Variants in MOCOS observed in about 807,000 individuals in gnomAD.
The protein encoded by MOCOS is molybdenum cofactor sulfurase, also known as human molybdenum cofactor sulfurase.
Under a neutral mutation model 83.6 loss-of-function variants are expected in MOCOS, and 86 were observed. The ratio of observed to expected loss-of-function variants is 1.03; its 90% CI spans 0.86 to 1.23. MOCOS has a LOEUF of 1.23. MOCOS is among the 50% of genes most tolerant of loss of function. The pLI, the probability that MOCOS is intolerant of heterozygous loss-of-function variation, is 0.00. For synonymous variants in MOCOS, 445 were observed against 434.7 expected, an observed-to-expected ratio of 1.02 and a Z score of -0.29; for missense variants, 1,120 against 1,126.9, an observed-to-expected ratio of 0.99 and a Z score of 0.09.
At chr18:36,223,828 TTTCTTTTG>T in intron 9 of MOCOS, among the ~76,000 whole-genome samples, 1 of 152,190 alleles carries the variant, frequency 6.6e-6, no homozygotes, top group Non-Finnish European at 1.5e-5. Context: ...CTTAGATAAG[TTTCTTTTG>T]TTCTTTTAAA....
chr18:36,216,014 T>C (rs1185151257), intron 8 of MOCOS, 37 bp downstream of exon 8: 3 of 1,556,980 alleles, frequency 1.9e-6, no homozygotes, highest in Non-Finnish European at 2.6e-6. Context: ...AGTCTTCTCT[T>C]TGTTTACTCT....
intron 9 of MOCOS, among the ~76,000 whole-genome samples, chr18:36,233,254 TATAAG>T (rs2091545338): frequency 6.6e-6 from 1 of 152,214 alleles, no homozygotes; most frequent in Non-Finnish European, 1.5e-5. Flanking sequence ...AGTTTCCACT[TATAAG>T]AGAGAACATA....
chr18:36,198,903 T>C, intron 3 of MOCOS, 147 bp downstream of exon 3: 2 of 829,736 alleles, frequency 2.4e-6, no homozygotes, highest in Non-Finnish European at 4.0e-6. Context: ...TTGAGAAACA[T>C]CAGAGTCAGA....
intron 6 of MOCOS, among the ~76,000 whole-genome samples, chr18:36,207,578 T>C (rs778272703): frequency 6.6e-6 from 1 of 152,218 alleles, no homozygotes; most frequent in African/African-American, 2.4e-5. Flanking sequence ...CATATGCTAT[T>C]GGCTGCATGT....
At chr18:36,235,394 T>C (rs1001456507) in intron 9 of MOCOS, among the ~76,000 whole-genome samples, 4 of 133,098 alleles carry the variant, frequency 3.0e-5, no homozygotes, top group Non-Finnish European at 4.8e-5. Context: ...TGGTTTTTTG[T>C]TCTTGTGATA....
At chr18:36,254,369 A>G (rs1487654996) in intron 11 of MOCOS, among the ~76,000 whole-genome samples, 3 of 152,042 alleles carry the variant, frequency 2.0e-5, no homozygotes, top group Non-Finnish European at 2.9e-5. Context: ...GTTCTTTTCA[A>G]CAAAGCCAGT....
chr18:36,230,027 A>C (rs72890655), intron 9 of MOCOS, among the ~76,000 whole-genome samples: 21,668 of 151,848 alleles, frequency 0.14, 1,957 homozygotes, highest in East Asian at 0.37. Flanking sequence ...TTTGTTTGGA[A>C]CATCTTTGCC....
chr18:36,218,422 T>C (rs756624156), intron 8 of MOCOS, among the ~76,000 whole-genome samples: 4 of 152,194 alleles, frequency 2.6e-5, no homozygotes, highest in Non-Finnish European at 5.9e-5. Flanking sequence ...CAGCATCTTT[T>C]TGGGGAAACA....
intron 8 of MOCOS, 148 bp downstream of exon 8, chr18:36,216,125 C>A: frequency 1.1e-6 from 1 of 874,208 alleles, no homozygotes; most frequent in Non-Finnish European, 1.7e-6. Context: ...CTTTCTTGGT[C>A]TGTGCTGACT....
In MOCOS at chr18:36,213,458, C is replaced by A. The variant is rs139751799; in HGVS notation, c.1311C>A (p.Asn437Lys). 1 of 1,613,738 alleles carries A rather than the reference C, an allele frequency of 6.2e-7. No individual in the cohort carries two copies. Among genetic ancestry groups the A allele is most frequent in the Non-Finnish European group, 8.5e-7 (1 of 1,179,976 alleles). Residue 437 changes from asparagine (N) to lysine (K), a missense_variant, in exon 7 of 15, where the codon AAC (asparagine) becomes AAA (lysine). Transcript: ENST00000261326. ...GACQRHLGIS[N>K]EMVRKHFQAG... The stretch of plus-strand genomic sequence containing the variant: ...GCCAGAGGCACCTGGGCATAAGCAA[C>A]GAGATGGTCAGGAAGCATTTTCAGG...
chr18:36,262,065 C>A (rs1440117833), intron 13 of MOCOS, among the ~76,000 whole-genome samples: 1 of 152,134 alleles, frequency 6.6e-6, no homozygotes, highest in African/African-American at 2.4e-5. Context: ...ACTTAGCAGG[C>A]TTTGCTTTCT....
At chr18:36,208,485 C>G (rs2091442544) in intron 6 of MOCOS, among the ~76,000 whole-genome samples, 1 of 151,964 alleles carries the variant, frequency 6.6e-6, no homozygotes, top group South Asian at 2.1e-4. Context: ...TAGCGGTATT[C>G]TGTAATTCTC....
chr18:36,198,393 C>A (rs1047239578), intron 2 of MOCOS, among the ~76,000 whole-genome samples: 3 of 152,122 alleles, frequency 2.0e-5, no homozygotes, highest in Admixed American at 6.5e-5. Flanking sequence ...AACAAAAAAC[C>A]AAATCACTTT....
At chr18:36,243,126 A>G (rs945503996) in intron 9 of MOCOS, among the ~76,000 whole-genome samples, 3 of 152,128 alleles carry the variant, frequency 2.0e-5, no homozygotes, top group African/African-American at 7.2e-5. Context: ...TTGATTTTGT[A>G]TCCTGAAACT....
chr18:36,195,156 G>A (rs1284358902), intron 1 of MOCOS, 101 bp from the exon 2 acceptor site: 9 of 957,604 alleles, frequency 9.4e-6, no homozygotes, highest in Non-Finnish European at 1.5e-5. Flanking sequence ...GCACAAGTCA[G>A]TGGCCTGATG....
intron 11 of MOCOS, among the ~76,000 whole-genome samples, chr18:36,256,128 G>C (rs1218947032): frequency 6.6e-6 from 1 of 152,092 alleles, no homozygotes; most frequent in Non-Finnish European, 1.5e-5. Flanking sequence ...CCGACCTCAG[G>C]TGATCCTCCT....
chr18:36,224,401 A>G (rs1489463945), intron 9 of MOCOS, among the ~76,000 whole-genome samples: 2 of 152,180 alleles, frequency 1.3e-5, no homozygotes, highest in African/African-American at 4.8e-5. Context: ...GTTTTTCATC[A>G]TGGAGTATAA....
chr18:36,194,293 G>T (rs1224405319), intron 1 of MOCOS, among the ~76,000 whole-genome samples: 1 of 152,128 alleles, frequency 6.6e-6, no homozygotes, highest in African/African-American at 2.4e-5. Flanking sequence ...TCTCAATAAA[G>T]CTGTGATAAA....
At chr18:36,243,086 G>A (rs767902292) in intron 9 of MOCOS, among the ~76,000 whole-genome samples, 10 of 152,170 alleles carry the variant, frequency 6.6e-5, no homozygotes, top group Non-Finnish European at 1.2e-4. Flanking sequence ...GTCACTGTTG[G>A]TGTGTAGCAG....
Sources: allele counts gnomAD v4.1 joint callset (sites outside exome capture counted in the v4.1 genomes callset), GRCh38; gene constraint gnomAD v4.1.1; transcripts MANE v1.5; gene names NCBI Gene and HGNC (gene_info 2026-07-23, HGNC 2026-07-21).